The following CFAP61 variants were observed in gnomAD, a reference collection of about 807,000 sequenced individuals.
CFAP61 encodes the protein cilia- and flagella-associated protein 61.
In CFAP61, 107 loss-of-function variants were observed where a neutral mutation model predicts 135.6. The ratio of observed to expected loss-of-function variants is 0.79; its 90% confidence interval spans 0.67 to 0.93. The LOEUF is 0.93. CFAP61 is among the 40% of genes least tolerant of loss of function. CFAP61 has a pLI of 0.00. For synonymous variants in CFAP61, 575 were observed against 578.5 expected, an observed-to-expected ratio of 0.99 and a Z score of 0.09; for missense variants, 1,507 against 1,556.2, an observed-to-expected ratio of 0.97 and a Z score of 0.53.
chr20:20,189,004 G>C (rs1012379649), intron 14 of CFAP61, among the ~76,000 whole-genome samples: 4 of 152,150 alleles, frequency 2.6e-5, no homozygotes, highest in Non-Finnish European at 5.9e-5. Context: ...AGCAATGTTT[G>C]TAAGAGTCAT....
intron 13 of CFAP61, 26 bp downstream of exon 13, chr20:20,169,486 C>G: frequency 6.4e-7 from 1 of 1,552,862 alleles, no homozygotes; most frequent in Non-Finnish European, 8.8e-7. Context: ...TTTGGCCACA[C>G]AACAATCCAT....
chr20:20,345,483 A>G (rs530294072), intron 26 of CFAP61, among the ~76,000 whole-genome samples: 1 of 152,362 alleles, frequency 6.6e-6, no homozygotes, highest in East Asian at 1.9e-4. Context: ...AGGGAAGTAT[A>G]CAAGTTCAAT....
intron 25 of CFAP61, among the ~76,000 whole-genome samples, chr20:20,311,398 A>C (rs1399285981): frequency 6.6e-6 from 1 of 152,210 alleles, no homozygotes; most frequent in Admixed American, 6.5e-5. Context: ...GTAAGAAACA[A>C]ATTTTTAAAA....
At chr20:20,181,246 A>G (rs6081912) in intron 13 of CFAP61, among the ~76,000 whole-genome samples, 1 of 142,998 alleles carries the variant, frequency 7.0e-6, no homozygotes, top group Non-Finnish European at 1.5e-5. Context: ...TTATGTGTAT[A>G]TATATAACTT....
At chr20:20,161,335 G>C (rs946637762) in intron 10 of CFAP61, among the ~76,000 whole-genome samples, 5 of 152,148 alleles carry the variant, frequency 3.3e-5, no homozygotes, top group Admixed American at 2.6e-4. Context: ...AAGGTGGATT[G>C]ATCTCCTATT....
At chr20:20,350,844 T>C (rs2058810059) in intron 26 of CFAP61, among the ~76,000 whole-genome samples, 1 of 152,220 alleles carries the variant, frequency 6.6e-6, no homozygotes, top group Admixed American at 6.5e-5. Flanking sequence ...ACAAAGCACA[T>C]GAACCTCAAA....
At chr20:20,344,133 A>G (rs2122390792) in intron 26 of CFAP61, among the ~76,000 whole-genome samples, 1 of 152,358 alleles carries the variant, frequency 6.6e-6, no homozygotes, top group Non-Finnish European at 1.5e-5. Context: ...GTGGTGATGC[A>G]TAGAGTGGTG....
intron 24 of CFAP61, among the ~76,000 whole-genome samples, chr20:20,297,702 G>T (rs16981770): frequency 0.04 from 6,102 of 152,288 alleles, 432 homozygotes; most frequent in African/African-American, 0.14. Context: ...GACTGACCTT[G>T]CCCAATCCCC....
intron 17 of CFAP61, among the ~76,000 whole-genome samples, chr20:20,223,915 C>T (rs182512485): frequency 3.3e-5 from 5 of 152,194 alleles, no homozygotes; most frequent in East Asian, 1.9e-4. Context: ...TTCATTTGGC[C>T]ATTTAAGCAA....
intron 2 of CFAP61, among the ~76,000 whole-genome samples, chr20:20,067,365 G>C (rs900756772): frequency 5.9e-5 from 9 of 151,988 alleles, no homozygotes; most frequent in Non-Finnish European, 1.0e-4. Flanking sequence ...GGTGGATCAC[G>C]AGGTCAAGAG....
chr20:20,061,404 C>G (rs2044787052), intron 2 of CFAP61, among the ~76,000 whole-genome samples: 1 of 152,150 alleles, frequency 6.6e-6, no homozygotes, highest in Non-Finnish European at 1.5e-5. Context: ...ACAAAACAGT[C>G]ATATTCTATT....
chr20:20,358,143 G>A (rs1183983966), intron 26 of CFAP61, among the ~76,000 whole-genome samples: 1 of 146,638 alleles, frequency 6.8e-6, no homozygotes, highest in African/African-American at 2.6e-5. Flanking sequence ...ACTGAGAGGA[G>A]GTGGTCACAC....
intron 7 of CFAP61, among the ~76,000 whole-genome samples, chr20:20,094,076 G>T (rs1252900234): frequency 6.6e-6 from 1 of 152,232 alleles, no homozygotes; most frequent in Non-Finnish European, 1.5e-5. Flanking sequence ...TGGTGAGAAT[G>T]ACATGACTTT....
At chr20:20,250,484 C>T (rs74535926) in intron 19 of CFAP61, among the ~76,000 whole-genome samples, 19 of 152,210 alleles carry the variant, frequency 1.2e-4, no homozygotes, top group South Asian at 2.1e-4. Context: ...AGAAGTGGCG[C>T]GTGCCTCCAG....
At chr20:20,189,310 C>G (rs1159000179) in intron 14 of CFAP61, among the ~76,000 whole-genome samples, 1 of 152,172 alleles carries the variant, frequency 6.6e-6, no homozygotes, top group Non-Finnish European at 1.5e-5. Flanking sequence ...CTCCTTCCCT[C>G]CTGGCCCTCT....
intron 26 of CFAP61, among the ~76,000 whole-genome samples, chr20:20,356,405 G>A (rs2059168276): frequency 2.6e-5 from 4 of 151,796 alleles, no homozygotes; most frequent in Admixed American, 6.6e-5. Context: ...AGGGGAGGTG[G>A]TCACACTGAG....
chr20:20,301,586 T>C (rs570373510), intron 25 of CFAP61, among the ~76,000 whole-genome samples: 3 of 152,366 alleles, frequency 2.0e-5, no homozygotes, highest in Admixed American at 1.3e-4. Context: ...TACAAAGGTA[T>C]CCTCCTAGGG....
chr20:20,234,845 T>C (rs1171067946), intron 18 of CFAP61, among the ~76,000 whole-genome samples: 1 of 152,036 alleles, frequency 6.6e-6, no homozygotes, highest in Non-Finnish European at 1.5e-5. Context: ...ACGCAGAACT[T>C]CAGTCTCCTC....
chr20:20,295,186 A>G (rs1160747615), intron 24 of CFAP61, among the ~76,000 whole-genome samples: 1 of 152,116 alleles, frequency 6.6e-6, no homozygotes, highest in African/African-American at 2.4e-5. Context: ...AGCCTCGGCC[A>G]CGTACATGGA....
Sources: gnomAD v4.1 joint callset for allele counts (sites outside exome capture counted in the v4.1 genomes callset) on GRCh38, gnomAD v4.1.1 for gene constraint, MANE v1.5 for transcripts, NCBI Gene and HGNC (gene_info 2026-07-23, HGNC 2026-07-21) for gene names.